MICAL3: variants seen among roughly 807,000 people sequenced by gnomAD.
MICAL3 encodes the protein microtubule associated monooxygenase, calponin and LIM domain containing 3, also known as [F-actin]-monooxygenase MICAL3.
In MICAL3, 62 loss-of-function variants were observed where a neutral mutation model predicts 207.4. The observed-to-expected ratio is 0.30, with a 90% CI of 0.24 to 0.37. MICAL3 has a LOEUF of 0.37. Ranked by LOEUF, MICAL3 falls within the 10% of genes least tolerant of loss-of-function variation. MICAL3 has a pLI of 1.00. For missense variants in MICAL3, 2,368 were observed against 2,635.6 expected, an observed-to-expected ratio of 0.90 and a Z score of 2.22; for synonymous variants, 1,077 against 1,069.3, an observed-to-expected ratio of 1.01 and a Z score of -0.14.
Position 17,823,810 on chromosome 22 carries a change from G to A in MICAL3, c.3194-750C>T, listed in dbSNP as rs114129799. Among the ~76,000 whole-genome samples the A allele has an allele frequency of 1.6e-3, 250 of 152,268 alleles. 1 individual carries two copies. Among genetic ancestry groups the A allele is most frequent in the African/African-American group, 5.8e-3 (241 of 41,556 alleles). On this transcript the variant is annotated intron_variant, in intron 22 of 31. Transcript: ENST00000441493. ...TTCTGGTCTCAAACATTTCAGGTAAGAAACACTCAGCCTGCAACATAATTA... is the reference window on the plus strand; with the variant it reads ...TTCTGGTCTCAAACATTTCAGGTAAAAAACACTCAGCCTGCAACATAATTA...
chr22:17,869,180 G>C (rs1173197678), intron 17 of MICAL3, among the ~76,000 whole-genome samples: 1 of 152,154 alleles, frequency 6.6e-6, no homozygotes, highest in Admixed American at 6.5e-5. Context: ...GCAGAGGCTG[G>C]GGTGGACACG....
intron 18 of MICAL3, among the ~76,000 whole-genome samples, chr22:17,865,662 C>T (rs1230210253): frequency 3.3e-5 from 5 of 152,218 alleles, no homozygotes; most frequent in Non-Finnish European, 5.9e-5. Flanking sequence ...CAGATGTCTA[C>T]GCAGCTGAGA....
At chr22:17,878,406 A>G (rs1313894539) in intron 16 of MICAL3, among the ~76,000 whole-genome samples, 2 of 152,198 alleles carry the variant, frequency 1.3e-5, no homozygotes, top group African/African-American at 2.4e-5. Context: ...CCTCCAGCCC[A>G]GTCTCCACTC....
At chr22:18,001,176 T>C (rs1335775242) in intron 1 of MICAL3, 1 of 152,058 alleles carries the variant, frequency 6.6e-6, no homozygotes, top group Non-Finnish European at 1.5e-5. Flanking sequence ...CGCAGGGTTA[T>C]AAGCGCAGCC....
At chr22:18,012,998 G>A (rs994589037) in intron 1 of MICAL3, among the ~76,000 whole-genome samples, 1 of 152,178 alleles carries the variant, frequency 6.6e-6, no homozygotes, top group African/African-American at 2.4e-5. Context: ...TGGTGGGCAT[G>A]GGGATGGAGG....
chr22:17,927,203 T>C (rs1156972584), intron 1 of MICAL3, among the ~76,000 whole-genome samples: 1 of 152,214 alleles, frequency 6.6e-6, no homozygotes, highest in African/African-American at 2.4e-5. Context: ...GTGTCTGGCT[T>C]ATTTCACTTA....
chr22:17,792,198 G>A (rs1487736462), intron 29 of MICAL3, among the ~76,000 whole-genome samples: 2 of 152,234 alleles, frequency 1.3e-5, no homozygotes, highest in South Asian at 2.1e-4. Context: ...GAGCACAGAA[G>A]TTCATGGCAA....
At chr22:17,834,843 A>C (rs1476480013) in intron 20 of MICAL3, among the ~76,000 whole-genome samples, 1 of 152,240 alleles carries the variant, frequency 6.6e-6, no homozygotes, top group African/African-American at 2.4e-5. Flanking sequence ...AACCTAGTGC[A>C]TGTCATTTAA....
Position 17,896,793 on chromosome 22 carries a change from G to A in MICAL3, c.1137C>T (p.Asn379=), listed in dbSNP as rs746360114. The change falls in exon 8 of 32, where the codon AAC becomes AAT. Residue 379 remains asparagine, a synonymous_variant. Transcript: ENST00000441493. ...CGTTCTGCTCCCGCACCAAGGCGGC[G>A]TTCTCGGAGGCATACATACAAGTGA... The part of the protein sequence containing the change: ...FDFTCMYASE[N]AALVREQNGH... The A allele has an allele frequency of 3.1e-5, 50 of 1,613,912 alleles. No homozygotes were observed. The highest frequency in any genetic ancestry group is 4.5e-5 in the East Asian group (2 of 44,900).
chr22:18,002,304 T>C (rs900040466), intron 1 of MICAL3, among the ~76,000 whole-genome samples: 2 of 151,472 alleles, frequency 1.3e-5, no homozygotes, highest in Admixed American at 1.3e-4. Flanking sequence ...TTAGGGGGAA[T>C]TTCAAATTTT....
At chr22:17,844,944 A>C (rs1260605240) in intron 19 of MICAL3, among the ~76,000 whole-genome samples, 5 of 152,138 alleles carry the variant, frequency 3.3e-5, no homozygotes, top group Non-Finnish European at 7.3e-5. Flanking sequence ...CATCATTCCC[A>C]AATACCAGTC....
chr22:17,858,089 G>A (rs1263736206), intron 19 of MICAL3, among the ~76,000 whole-genome samples: 5 of 152,242 alleles, frequency 3.3e-5, no homozygotes, highest in South Asian at 4.1e-4. Context: ...GGTAGAACCC[G>A]GAAGTAATTG....
chr22:17,814,018 G>C (rs1223952363), intron 27 of MICAL3: 1 of 152,126 alleles, frequency 6.6e-6, no homozygotes, highest in African/African-American at 2.4e-5. Context: ...TAAGTATTTT[G>C]ACTGGTTTAA....
At chr22:17,942,196 T>C (rs569151846) in intron 1 of MICAL3, among the ~76,000 whole-genome samples, 1 of 152,318 alleles carries the variant, frequency 6.6e-6, no homozygotes, top group East Asian at 1.9e-4. Flanking sequence ...GATTGTATGC[T>C]TGCAGGGAGG....
At chr22:17,860,331 G>C in intron 19 of MICAL3, 3 of 985,432 alleles carry the variant, frequency 3.0e-6, no homozygotes, top group Non-Finnish European at 3.6e-6. Context: ...TAAAAACAAA[G>C]GCAAAAATGG....
At chr22:17,950,764 G>A (rs1225322289) in intron 1 of MICAL3, among the ~76,000 whole-genome samples, 2 of 152,174 alleles carry the variant, frequency 1.3e-5, no homozygotes, top group African/African-American at 4.8e-5. Context: ...GGGAGGGAAC[G>A]ACTGCTGTTG....
rs147338676 is a variant in MICAL3 at position 17,942,538 on chromosome 22, A to G, written c.-74-35652T>C. Among the ~76,000 whole-genome samples the G allele has an allele frequency of 4.0e-3, 606 of 152,322 alleles. 3 individuals are homozygous for G. The highest frequency in any genetic ancestry group is 0.014 in the African/African-American group (572 of 41,574). ...GTGGCAATGATCATATGTAAAATCT[A>G]AGGAGAGTGGCTTTCAGACGCTCAG... On this transcript the variant is annotated intron_variant, in intron 1 of 31. Transcript: ENST00000441493.
chr22:17,808,207 C>T (rs565920674), intron 29 of MICAL3, among the ~76,000 whole-genome samples: 1 of 152,344 alleles, frequency 6.6e-6, no homozygotes, highest in South Asian at 2.1e-4. Flanking sequence ...GCTTCCCTGC[C>T]AGGAGCAGCA....
chr22:17,862,668 A>G (rs1926648531), intron 19 of MICAL3: 2 of 985,378 alleles, frequency 2.0e-6, no homozygotes, highest in Admixed American at 1.2e-4. Flanking sequence ...AAGGGTATCT[A>G]TTTCATGCCA....
Sources: gnomAD v4.1 joint callset for allele counts (sites outside exome capture counted in the v4.1 genomes callset) on GRCh38, gnomAD v4.1.1 for gene constraint, MANE v1.5 for transcripts, NCBI Gene and HGNC (gene_info 2026-07-23, HGNC 2026-07-21) for gene names.